TMED4: variants seen among roughly 807,000 people sequenced by gnomAD.
TMED4 encodes the protein transmembrane p24 trafficking protein 4.
In TMED4, 19 loss-of-function variants were observed where a neutral mutation model predicts 26.5. The ratio of observed to expected loss-of-function variants is 0.72; its 90% CI spans 0.50 to 1.05. The LOEUF is 1.05. Ranked by LOEUF, TMED4 falls within the 50% of genes least tolerant of loss-of-function variation. The pLI is 0.00. For synonymous variants in TMED4, 121 were observed against 119.8 expected (o/e 1.01, Z -0.07); for missense variants, 303 against 302.5 (o/e 1.00, Z -0.01).
intron 4 of TMED4, chr7:44,579,948 C>T (rs1007394284): frequency 1.0e-5 from 2 of 198,262 alleles, no homozygotes; most frequent in Non-Finnish European, 2.0e-5. Context: ...TTAAAAATGA[C>T]TACTGAAAGC....
intron 3 of TMED4, 79 bp from the exon 4 acceptor site, chr7:44,581,318 G>A: frequency 1.3e-6 from 2 of 1,599,364 alleles, no homozygotes; most frequent in Non-Finnish European, 1.7e-6. Flanking sequence ...TATTGTCCCT[G>A]GCTGTGGAGC....
intron 1 of TMED4, 74 bp from the exon 2 acceptor site, chr7:44,581,897 C>T: frequency 6.3e-6 from 10 of 1,589,308 alleles, no homozygotes; most frequent in Non-Finnish European, 8.6e-6. Flanking sequence ...GACGTGCGGC[C>T]CGGAGCTCTA....
At chr7:44,581,407 G>A in intron 3 of TMED4, 42 bp downstream of exon 3, 1 of 1,613,192 alleles carries the variant, frequency 6.2e-7, no homozygotes, top group Non-Finnish European at 8.5e-7. Flanking sequence ...TTGGAAACAA[G>A]TGAGAGATTC....
rs1203848456 is a variant in TMED4 at position 44,579,644 on chromosome 7, C to T, written c.535-16G>A. The T allele has an allele frequency of 3.7e-6, 6 of 1,609,786 alleles. No homozygotes were observed. The highest frequency in any genetic ancestry group is 1.3e-5 in the African/African-American group (1 of 74,872). ...CTTCACGATACTGTGTGGGGCAACA[C>T]AGGGTTAAGTGAGCAGGAGAAACAG... On this transcript the variant is annotated splice_polypyrimidine_tract_variant and intron_variant, in intron 4 of 4. Coordinates refer to ENST00000457408, the MANE Select transcript of TMED4 (RefSeq NM_182547.4).
rs1302069625 is a variant in TMED4, at chr7:44,582,076, T to A, written c.131A>T (p.Glu44Val). ...GACCATGGTCTCGTCGGGGATTTCC[T>A]CGATGAAACAGCGCTTCTCGGTCTC... Reference protein sequence around the residue: ...IGETEKRCFIEEIPDETMVIG... With the variant: ...IGETEKRCFIVEIPDETMVIG... Residue 44 changes from glutamate (E) to valine (V), a missense_variant, in exon 1 of 5, where the codon GAG (glutamate) becomes GTG (valine). Coordinates refer to ENST00000457408, the MANE Select transcript of TMED4 (RefSeq NM_182547.4). 4 of 1,566,864 alleles carry A rather than the reference T, an allele frequency of 2.6e-6. No homozygotes were observed. In the Admixed American group the frequency reaches 7.6e-5, roughly 30 times the overall value.
In TMED4 at chr7:44,578,668, C is replaced by T. The variant is rs1033650188; in HGVS notation, c.*811G>A. 6.6e-6 allele frequency: 1 copy of T among 152,006 alleles called. No individual in the cohort carries two copies. The highest frequency in any genetic ancestry group is 6.6e-5 in the Admixed American group (1 of 15,248). The allele number at this position is 152,006 out of a possible 1,614,324, so 9.4% of individuals were successfully genotyped here. ...ATCAACTGAGGTCAGGAGTCTAAGA[C>T]CAGCCTGGCCAACATGGTAAAACCC... On this transcript the variant is annotated 3_prime_UTR_variant, in exon 5 of 5. Coordinates refer to ENST00000457408, the MANE Select transcript of TMED4 (RefSeq NM_182547.4).
At chr7:44,579,769 C>A in intron 4 of TMED4, 141 bp from the exon 5 acceptor site, 1 of 787,568 alleles carries the variant, frequency 1.3e-6, no homozygotes, top group Non-Finnish European at 1.9e-6. Context: ...GTGCTATGGT[C>A]TCCCCACTGA....
chr7:44,581,884 T>G, intron 1 of TMED4, 61 bp from the exon 2 acceptor site: 1 of 1,594,190 alleles, frequency 6.3e-7, no homozygotes, highest in South Asian at 1.1e-5. Flanking sequence ...CCCGGCCCCC[T>G]CCGACGTGCG....
At chr7:44,582,009 TG>T in intron 1 of TMED4, 37 bp downstream of exon 1, 1 of 1,534,270 alleles carries the variant, frequency 6.5e-7, no homozygotes, top group Non-Finnish European at 8.8e-7. Flanking sequence ...AGGGCTGAGC[TG>T]GGTACAAAGG....
In TMED4 at chr7:44,581,250, A is replaced by G; in HGVS notation, c.388-11T>C. ...GTCGAGATGCACCCGCTACAAGGAA[A>G]CATGGAATGTATGAGTGGTGGGGCC... On this transcript the variant is annotated splice_polypyrimidine_tract_variant and intron_variant, in intron 3 of 4. Transcript: ENST00000457408. 1.2e-6 allele frequency: 2 copies of G among 1,613,996 alleles called. No individual in the cohort carries two copies. The highest frequency in any genetic ancestry group is 1.7e-6 in the Non-Finnish European group (2 of 1,179,886).
In TMED4 at chr7:44,581,650, T is replaced by TCC. The variant is rs962997039; in HGVS notation, c.261+71_261+72dup. ...GTGCAAGTTCCTGTCCCTTGAGGCC[T>TCC]CCTCCAGGCAGTGCTTTACACCCCA... On this transcript the variant is annotated intron_variant, in intron 2 of 4. Coordinates refer to ENST00000457408, the MANE Select transcript of TMED4 (RefSeq NM_182547.4). 101 of 1,612,446 alleles carry TCC rather than the reference T, an allele frequency of 6.3e-5. No homozygotes were observed. In the Middle Eastern group the frequency reaches 1.6e-3, roughly 26 times the overall value.
Position 44,578,909 on chromosome 7 carries a change from G to GA in TMED4, c.*569dup, listed in dbSNP as rs1802896021. On this transcript the variant is annotated 3_prime_UTR_variant, in exon 5 of 5. Coordinates refer to ENST00000457408, the MANE Select transcript of TMED4 (RefSeq NM_182547.4). ...AAGGAAAAACAAAACCCAGAATGCA[G>GA]AAACTGCATTGGTATTTTGAGCTAG... 7.4e-6 allele frequency: 1 copy of GA among 135,186 alleles called. No homozygotes were observed. Among genetic ancestry groups the GA allele is most frequent in the African/African-American group, 2.8e-5 (1 of 35,936 alleles). 8.4% of individuals were successfully genotyped at this position (135,186 alleles called of 1,614,324 possible).
Position 44,582,096 on chromosome 7 carries a change from G to C in TMED4, c.111C>G (p.Thr37=), listed in dbSNP as rs778700341. ...TTTCCTCGATGAAACAGCGCTTCTC[G>C]GTCTCGCCGATGTGGAAGTAGAGCC... ...AQGLYFHIGE[T]EKRCFIEEIP... is the part of the protein sequence containing the mutation. The change falls in exon 1 of 5, where the codon ACC becomes ACG. Residue 37 remains threonine (T), a synonymous_variant. Transcript: ENST00000457408. 1.3e-6 allele frequency: 2 copies of C among 1,564,544 alleles called. No individual in the cohort carries two copies. Among genetic ancestry groups the C allele is most frequent in the East Asian group, 2.4e-5 (1 of 41,648 alleles).
At position 44,582,209 on chromosome 7, in the gene TMED4, C is replaced by CG. The variant is rs1353650515; in HGVS notation, c.-4dup. 6.5e-7 allele frequency: 1 copy of CG among 1,540,604 alleles called. No homozygotes were observed. Among genetic ancestry groups the CG allele is most frequent in the Admixed American group, 2.1e-5 (1 of 48,252 alleles). Reference sequence around the variant, plus strand: ...GGCCCAGCCCCGACACCTGCCATCGCGCCTCAGCCCCTAAGCGCCTGCGCA... The same window carrying CG: ...GGCCCAGCCCCGACACCTGCCATCGCGGCCTCAGCCCCTAAGCGCCTGCGCA... On this transcript the variant is annotated 5_prime_UTR_variant, in exon 1 of 5. Transcript: ENST00000457408.
chr7:44,581,563 G>A lies in TMED4; in HGVS notation c.273C>T (p.Ser91=), dbSNP rs1345304617. The change falls in exon 3 of 5, where the codon TCC becomes TCT. Residue 91 remains serine (S), a synonymous_variant. Transcript: ENST00000457408. Reference sequence around the variant, plus strand: ...AGCGGCCCTCCGAGCCGTACTGCCGGGACAGCACCACCTGCAACATATGTG... The same window carrying A: ...AGCGGCCCTCCGAGCCGTACTGCCGAGACAGCACCACCTGCAACATATGTG... ...VKDPDGKVVL[S]RQYGSEGRFT... 1.9e-6 allele frequency: 3 copies of A among 1,614,130 alleles called. No individual in the cohort carries two copies. The highest frequency in any genetic ancestry group is 3.3e-5 in the Admixed American group (2 of 60,012).
rs375279841 is a variant in TMED4, at chr7:44,581,141, C to G, written c.486G>C (p.Gln162His). The G allele has an allele frequency of 1.2e-6, 2 of 1,614,136 alleles. No individual in the cohort carries two copies. Among genetic ancestry groups the G allele is most frequent in the Non-Finnish European group, 1.7e-6 (2 of 1,180,044 alleles). The change falls in exon 4 of 5, where the codon CAG becomes CAC. Residue 162 changes from glutamine to histidine, a missense_variant. Gln to His is a conservative substitution (Grantham distance 24). Coordinates refer to ENST00000457408, the MANE Select transcript of TMED4 (RefSeq NM_182547.4). ...GAATCTGTTCCACCTGATCAAGCAACTGGCGGGCGCGGAGCTGTAGCTCCG... is the reference window on the plus strand; with the variant it reads ...GAATCTGTTCCACCTGATCAAGCAAGTGGCGGGCGCGGAGCTGTAGCTCCG... ...KLTELQLRAR[Q>H]LLDQVEQIQK...
rs1585179813 is a variant in TMED4, at chr7:44,579,426, G to T, written c.*53C>A. The T allele has an allele frequency of 6.5e-7, 1 of 1,535,330 alleles. No individual in the cohort carries two copies. Among genetic ancestry groups the T allele is most frequent in the Non-Finnish European group, 8.9e-7 (1 of 1,120,636 alleles). On this transcript the variant is annotated 3_prime_UTR_variant, in exon 5 of 5. Transcript: ENST00000457408. ...AATCCAGGTGGATAAAGGACTGTGTGGGGAAAGTACCAAATAAATGAGGTA... is the reference window on the plus strand; with the variant it reads ...AATCCAGGTGGATAAAGGACTGTGTTGGGAAAGTACCAAATAAATGAGGTA...
chr7:44,581,542 G>A lies in TMED4; in HGVS notation c.294C>T (p.Gly98=), dbSNP rs1328311915. The change falls in exon 3 of 5, where the codon GGC becomes GGT. Residue 98 remains glycine, a synonymous_variant. Transcript: ENST00000457408. ...GCGTGTGGGAGGTGAACGTGAAGCGGCCCTCCGAGCCGTACTGCCGGGACA... is the reference window on the plus strand; with the variant it reads ...GCGTGTGGGAGGTGAACGTGAAGCGACCCTCCGAGCCGTACTGCCGGGACA... ...VVLSRQYGSE[G]RFTFTSHTPG... is the part of the protein sequence containing the mutation. 3 of 1,613,982 alleles carry A rather than the reference G, an allele frequency of 1.9e-6. No homozygotes were observed. Among genetic ancestry groups the A allele is most frequent in the African/African-American group, 1.3e-5 (1 of 74,928 alleles).
In TMED4 at chr7:44,582,208, G is replaced by T. The variant is rs1381290369; in HGVS notation, c.-2C>A. 7.1e-6 allele frequency: 11 copies of T among 1,542,080 alleles called. No homozygotes were observed. Among genetic ancestry groups the T allele is most frequent in the Non-Finnish European group, 9.6e-6 (11 of 1,145,670 alleles). ...AGGCCCAGCCCCGACACCTGCCATC[G>T]CGCCTCAGCCCCTAAGCGCCTGCGC... On this transcript the variant is annotated 5_prime_UTR_variant, in exon 1 of 5. Transcript: ENST00000457408.
Sources: gnomAD v4.1 joint callset for allele counts on GRCh38, gnomAD v4.1.1 for gene constraint, MANE v1.5 for transcripts, NCBI Gene and HGNC (gene_info 2026-07-23, HGNC 2026-07-21) for gene names.